COL5A2: variants seen among roughly 807,000 people sequenced by gnomAD.
The protein encoded by COL5A2 is collagen type V alpha 2 chain.
COL5A2 carries 23 observed loss-of-function variants against 208.2 expected under a neutral mutation model. That is an observed-to-expected ratio of 0.11 (90% CI 0.08 to 0.16). The LOEUF (loss-of-function observed/expected upper bound fraction) is 0.16. Ranked by LOEUF, COL5A2 falls within the 10% of genes least tolerant of loss-of-function variation. The pLI is 1.00. For missense variants in COL5A2, 1,590 were observed against 1,956.4 expected (o/e 0.81, Z 3.53); for synonymous variants, 625 against 628.5 (o/e 0.99, Z 0.08).
intron 1 of COL5A2, among the ~76,000 whole-genome samples, chr2:189,153,040 T>C (rs1357585407): frequency 6.6e-6 from 1 of 152,204 alleles, no homozygotes; most frequent in East Asian, 1.9e-4. Flanking sequence ...TTCTCATCTT[T>C]TAGAAAACAA....
intron 45 of COL5A2, among the ~76,000 whole-genome samples, chr2:189,046,184 T>C (rs938428401): frequency 6.6e-6 from 1 of 152,100 alleles, no homozygotes; most frequent in Admixed American, 6.5e-5. Context: ...AGTGATCACC[T>C]CCAGAATTTA....
chr2:189,101,534 G>A (rs535610265), intron 3 of COL5A2, among the ~76,000 whole-genome samples: 10 of 152,074 alleles, frequency 6.6e-5, no homozygotes, highest in African/African-American at 2.4e-4. Context: ...TGGTATCTCT[G>A]ATTAATACCT....
chr2:189,293,130 G>A, the COL5A2 span, among the ~76,000 whole-genome samples: 44 of 152,074 alleles, frequency 2.9e-4, no homozygotes, highest in South Asian at 6.5e-3. Flanking sequence ...GGGAGGGATA[G>A]CATTAGGAGA....
At chr2:189,078,065 T>G (rs1209004049) in intron 16 of COL5A2, among the ~76,000 whole-genome samples, 1 of 152,150 alleles carries the variant, frequency 6.6e-6, no homozygotes, top group Non-Finnish European at 1.5e-5. Flanking sequence ...ATCAGGAGGC[T>G]CACATCTTTC....
chr2:189,311,416 G>A, the COL5A2 span: 1 of 1,116,378 alleles, frequency 9.0e-7, no homozygotes, highest in Non-Finnish European at 1.3e-6. Context: ...GGCGGCGGTA[G>A]GTGGTGATCT....
the COL5A2 span, among the ~76,000 whole-genome samples, chr2:189,334,386 G>C: frequency 6.6e-6 from 1 of 151,856 alleles, no homozygotes; most frequent in Non-Finnish European, 1.5e-5. Flanking sequence ...AAAATAAAAA[G>C]TGAATTAGCA....
the COL5A2 span, among the ~76,000 whole-genome samples, chr2:189,305,574 G>A: frequency 2.0e-5 from 3 of 152,090 alleles, no homozygotes; most frequent in Non-Finnish European, 4.4e-5. Context: ...CTCCAGAACT[G>A]TTACAAATAA....
At position 189,045,179 on chromosome 2, in the gene COL5A2, A is replaced by G; in HGVS notation, c.3363T>C (p.Pro1121=). The G allele has an allele frequency of 1.2e-6, 2 of 1,603,788 alleles. No homozygotes were observed. Among genetic ancestry groups the G allele is most frequent in the Non-Finnish European group, 1.7e-6 (2 of 1,174,892 alleles). The stretch of plus-strand genomic sequence containing the variant: ...TAAAAAACAAAAAAAGAGAACTTAC[A>G]GGTAATCCACGTTTCCCAGCTCGAC... The part of the protein sequence containing the change: ...PPGRAGKRGL[P]GPQGPRGDKG... The change falls in exon 47 of 54, where the codon CCT becomes CCC. Residue 1121 remains proline, a splice_region_variant and synonymous_variant. Coordinates refer to ENST00000374866, the MANE Select transcript of COL5A2 (RefSeq NM_000393.5).
At chr2:189,217,465 C>G (rs759098430) in intron 1 of COL5A2, among the ~76,000 whole-genome samples, 1 of 152,088 alleles carries the variant, frequency 6.6e-6, no homozygotes, top group Non-Finnish European at 1.5e-5. Flanking sequence ...AACTAAGAAG[C>G]TGAATTGGGG....
intron 1 of COL5A2, among the ~76,000 whole-genome samples, chr2:189,168,983 G>T (rs1384692834): frequency 1.3e-5 from 2 of 152,156 alleles, no homozygotes; most frequent in Non-Finnish European, 2.9e-5. Context: ...AATCTCCTGG[G>T]AGTGAAGGGA....
intron 1 of COL5A2, among the ~76,000 whole-genome samples, chr2:189,211,833 AC>A (rs1466919532): frequency 4.6e-5 from 7 of 152,216 alleles, no homozygotes; most frequent in African/African-American, 1.7e-4. Context: ...AAAACCAAAA[AC>A]TCATGGACAA....
At chr2:189,074,636 C>G (rs1686356193) in intron 17 of COL5A2, among the ~76,000 whole-genome samples, 1 of 152,208 alleles carries the variant, frequency 6.6e-6, no homozygotes, top group Non-Finnish European at 1.5e-5. Context: ...ATTCTAAACT[C>G]AAACCCACAA....
chr2:189,062,827 T>C, intron 29 of COL5A2, 38 bp downstream of exon 29: 2 of 1,612,176 alleles, frequency 1.2e-6, no homozygotes, highest in Admixed American at 1.7e-5. Context: ...TGTGTGTATA[T>C]ATATATTCTC....
At chr2:189,319,786 T>C in the COL5A2 span, among the ~76,000 whole-genome samples, 11 of 152,326 alleles carry the variant, frequency 7.2e-5, no homozygotes, top group African/African-American at 2.4e-4. Context: ...CAGACTTAAA[T>C]GTCCCTGTCT....
Position 189,110,232 on chromosome 2 carries a change from G to T in COL5A2, c.315C>A (p.Thr105=), listed in dbSNP as rs4128539. 0.96 allele frequency: 1,549,628 copies of T among 1,612,522 alleles called. 746,605 individuals are homozygous for T. The highest frequency in any genetic ancestry group is 0.98 in the Non-Finnish European group (1,157,802 of 1,178,824). The change falls in exon 2 of 54, where the codon ACC becomes ACA. Residue 105 remains threonine (T), a synonymous_variant. Transcript: ENST00000374866. ...GGCCCTAAACATTCTTACCAAAATT[G>T]GTATTGCCACCTCCAGGTGTTTGTG... ...VCSQTPGGGN[T]NFGRGRKGQK...
At chr2:189,299,438 A>T in the COL5A2 span, among the ~76,000 whole-genome samples, 4 of 152,214 alleles carry the variant, frequency 2.6e-5, no homozygotes, top group Non-Finnish European at 5.9e-5. Flanking sequence ...ACGTGGCTCA[A>T]ATGCTAACTA....
intron 21 of COL5A2, 111 bp downstream of exon 21, chr2:189,067,904 T>G: frequency 1.1e-6 from 1 of 903,634 alleles, no homozygotes; most frequent in Non-Finnish European, 1.8e-6. Context: ...TCTTCCCACA[T>G]TTGGATAAGT....
chr2:189,398,365 AT>A, the COL5A2 span, among the ~76,000 whole-genome samples: 2 of 152,114 alleles, frequency 1.3e-5, no homozygotes, highest in Non-Finnish European at 2.9e-5. Flanking sequence ...TAGAAATGTT[AT>A]GTTAAAGTCT....
intron 1 of COL5A2, among the ~76,000 whole-genome samples, chr2:189,217,409 T>A (rs1689292600): frequency 6.6e-6 from 1 of 152,226 alleles, no homozygotes; most frequent in Non-Finnish European, 1.5e-5. Flanking sequence ...ATTCTTTCCT[T>A]TGTGGTCCAG....
Sources: allele counts gnomAD v4.1 joint callset (sites outside exome capture counted in the v4.1 genomes callset), GRCh38; gene constraint gnomAD v4.1.1; transcripts MANE v1.5; gene names NCBI Gene and HGNC (gene_info 2026-07-23, HGNC 2026-07-21).